The following STPG2 variants were observed in gnomAD, a reference collection of about 807,000 sequenced individuals.
STPG2 encodes the protein sperm-tail PG-rich repeat-containing protein 2.
A neutral mutation model predicts 54.2 loss-of-function variants in STPG2; 56 were observed. The observed-to-expected ratio is 1.03, with a 90% CI of 0.83 to 1.29. The LOEUF (loss-of-function observed/expected upper bound fraction) is 1.29. Ranked by LOEUF, STPG2 falls within the 50% of genes most tolerant of loss-of-function variation. The pLI is 0.00. For synonymous variants in STPG2, 200 were observed against 181.8 expected, an observed-to-expected ratio of 1.10 and a Z score of -0.81; for missense variants, 596 against 544.9, an observed-to-expected ratio of 1.09 and a Z score of -0.93.
chr4:97,578,805 A>C (rs570817286), intron 10 of STPG2, among the ~76,000 whole-genome samples: 1 of 152,294 alleles, frequency 6.6e-6, no homozygotes, highest in African/African-American at 2.4e-5. Flanking sequence ...TTCTTCTTAC[A>C]GCAATCTAAA....
chr4:98,086,779 C>A (rs1464129700), intron 5 of STPG2, among the ~76,000 whole-genome samples: 4 of 151,252 alleles, frequency 2.6e-5, no homozygotes, highest in African/African-American at 7.3e-5. Flanking sequence ...TGCATTATTG[C>A]AACCATCTTA....
intron 4 of STPG2, among the ~76,000 whole-genome samples, chr4:97,547,334 C>A (rs1000776670): frequency 6.6e-6 from 1 of 152,086 alleles, no homozygotes; most frequent in Non-Finnish European, 1.5e-5. Flanking sequence ...CCTCAGCCCC[C>A]TGAATAGCTG....
chr4:97,863,324 C>A (rs1023834623), intron 8 of STPG2, among the ~76,000 whole-genome samples: 1 of 152,076 alleles, frequency 6.6e-6, no homozygotes, highest in Admixed American at 6.6e-5. Flanking sequence ...AACACCTCTA[C>A]GCAAATAAGC....
At chr4:97,944,570 C>T (rs1733128174) in intron 7 of STPG2, among the ~76,000 whole-genome samples, 1 of 151,950 alleles carries the variant, frequency 6.6e-6, no homozygotes, top group African/African-American at 2.4e-5. Flanking sequence ...TTTTGTCATA[C>T]AATTTATTTG....
intron 8 of STPG2, among the ~76,000 whole-genome samples, chr4:97,896,658 G>A: frequency 6.6e-6 from 1 of 151,626 alleles, no homozygotes; most frequent in East Asian, 1.9e-4. Context: ...ATTGAGAGTT[G>A]AATTATGGGA....
chr4:97,542,997 A>G (rs964538329), intron 4 of STPG2, among the ~76,000 whole-genome samples: 2 of 152,216 alleles, frequency 1.3e-5, no homozygotes, highest in Admixed American at 6.5e-5. Flanking sequence ...AGGGGGAGGG[A>G]TAGCATTAGG....
At position 97,979,651 on chromosome 4, in the gene STPG2, C is replaced by T. The variant is rs771805909; in HGVS notation, c.772+1508G>A. On this transcript the variant is annotated intron_variant, in intron 6 of 10. Transcript: ENST00000295268. The stretch of plus-strand genomic sequence containing the variant: ...CTTGTAATCCCAATACTTTGAGAGC[C>T]GAGGTGGAAAGATCATTTAAGGTTA... Among the ~76,000 whole-genome samples, 7 of 151,906 alleles carry T rather than the reference C, an allele frequency of 4.6e-5. No individual in the cohort carries two copies. In the South Asian group the frequency reaches 6.2e-4, roughly 14 times the overall value.
At chr4:97,849,462 C>T (rs956239192) in intron 8 of STPG2, among the ~76,000 whole-genome samples, 3 of 152,032 alleles carry the variant, frequency 2.0e-5, no homozygotes, top group East Asian at 1.9e-4. Flanking sequence ...GTGAAAGAAA[C>T]TACCATCAGA....
chr4:97,849,215 C>T (rs1359929015), intron 8 of STPG2, among the ~76,000 whole-genome samples: 2 of 150,544 alleles, frequency 1.3e-5, no homozygotes, highest in Non-Finnish European at 3.0e-5. Flanking sequence ...AGGTCCTTCA[C>T]ATCCCTTGTA....
At position 98,143,165 on chromosome 4, in the gene STPG2, T is replaced by C. The variant is rs752033712; in HGVS notation, c.-15A>G. 39 of 1,599,364 alleles carry C rather than the reference T, an allele frequency of 2.4e-5. No homozygotes were observed. Among genetic ancestry groups the C allele is most frequent in the Middle Eastern group, 3.4e-4 (2 of 5,950 alleles). On this transcript the variant is annotated 5_prime_UTR_variant, in exon 1 of 11. Coordinates refer to ENST00000295268, the MANE Select transcript of STPG2 (RefSeq NM_174952.3). ...CGATCATACATAGTGCTCGGGGTGG[T>C]GGGGGCGCTGGGGAAGGGCAGGTGC...
At chr4:97,894,033 AT>A (rs1347971853) in intron 8 of STPG2, among the ~76,000 whole-genome samples, 2 of 152,038 alleles carry the variant, frequency 1.3e-5, no homozygotes, top group African/African-American at 4.8e-5. Flanking sequence ...TAGCTATTCA[AT>A]TATATAGAGT....
At chr4:97,643,763 G>A (rs1721829468) in intron 10 of STPG2, among the ~76,000 whole-genome samples, 1 of 151,628 alleles carries the variant, frequency 6.6e-6, no homozygotes, top group South Asian at 2.1e-4. Flanking sequence ...TTCCAAAAGG[G>A]ACTTTATATT....
intron 10 of STPG2, among the ~76,000 whole-genome samples, chr4:97,593,748 C>A (rs1733207411): frequency 6.6e-6 from 1 of 152,188 alleles, no homozygotes. Flanking sequence ...TTAGCGAGCA[C>A]TACACATCAG....
chr4:97,468,432 A>C (rs945122425), intron 4 of STPG2, among the ~76,000 whole-genome samples: 1 of 151,986 alleles, frequency 6.6e-6, no homozygotes, highest in Non-Finnish European at 1.5e-5. Context: ...AAATGAGCTT[A>C]ATTGCACAGG....
chr4:98,078,965 C>T (rs1331637032), intron 5 of STPG2, among the ~76,000 whole-genome samples: 1 of 151,940 alleles, frequency 6.6e-6, no homozygotes, highest in African/African-American at 2.4e-5. Flanking sequence ...CGAATAATAA[C>T]CATATTATTG....
chr4:97,677,711 C>T (rs577835931), intron 10 of STPG2, among the ~76,000 whole-genome samples: 2 of 152,218 alleles, frequency 1.3e-5, no homozygotes, highest in Admixed American at 6.5e-5. Context: ...TCGAGAACAA[C>T]CATCTTGAAC....
chr4:97,647,534 G>T (rs117177506), intron 10 of STPG2, among the ~76,000 whole-genome samples: 1,943 of 152,058 alleles, frequency 0.013, 76 homozygotes, highest in East Asian at 0.095. Flanking sequence ...GCAGTCCCTG[G>T]TCTTTGCCTG....
intron 9 of STPG2, among the ~76,000 whole-genome samples, chr4:97,839,939 C>T (rs924415916): frequency 6.6e-6 from 1 of 151,464 alleles, no homozygotes; most frequent in East Asian, 1.9e-4. Context: ...AGTGGGAATA[C>T]ACCTGTAATT....
intron 9 of STPG2, among the ~76,000 whole-genome samples, chr4:97,819,730 C>T (rs1040525576): frequency 1.3e-5 from 2 of 151,446 alleles, no homozygotes; most frequent in Non-Finnish European, 2.9e-5. Flanking sequence ...AAATTTAAAC[C>T]ATTTAAACTA....
Sources: gnomAD v4.1 joint callset for allele counts (sites outside exome capture counted in the v4.1 genomes callset) on GRCh38, gnomAD v4.1.1 for gene constraint, MANE v1.5 for transcripts, NCBI Gene and HGNC (gene_info 2026-07-23, HGNC 2026-07-21) for gene names.